THSD7B: variants seen among roughly 807,000 people sequenced by gnomAD.
The protein encoded by THSD7B is thrombospondin type 1 domain containing 7B.
Under a neutral mutation model 213.6 loss-of-function variants are expected in THSD7B, and 138 were observed. The observed-to-expected ratio is 0.65, with a 90% CI of 0.56 to 0.74. The LOEUF (loss-of-function observed/expected upper bound fraction) is 0.74. Ranked by LOEUF, THSD7B falls within the 30% of genes least tolerant of loss-of-function variation. The pLI is 0.00. For synonymous variants in THSD7B, 742 were observed against 687.0 expected (o/e 1.08, Z -1.25); for missense variants, 1,931 against 1,991.5 (o/e 0.97, Z 0.58).
At chr2:137,082,634 T>C (rs1687766326) in intron 3 of THSD7B, among the ~76,000 whole-genome samples, 1 of 152,152 alleles carries the variant, frequency 6.6e-6, no homozygotes, top group African/African-American at 2.4e-5. Flanking sequence ...AAATTACTTA[T>C]ATTTTTGGGT....
At chr2:136,865,239 T>C (rs971104260) in intron 1 of THSD7B, among the ~76,000 whole-genome samples, 2 of 152,104 alleles carry the variant, frequency 1.3e-5, no homozygotes, top group African/African-American at 4.8e-5. Flanking sequence ...CCATGCTTCA[T>C]AGAGAATGGT....
chr2:137,394,069 TC>T (rs1686111374), intron 12 of THSD7B, among the ~76,000 whole-genome samples: 1 of 127,548 alleles, frequency 7.8e-6, no homozygotes, highest in African/African-American at 2.9e-5. Context: ...TAGCCCTTTG[TC>T]AGATGAGTAG....
chr2:137,473,142 C>A (rs1195867344), intron 15 of THSD7B, among the ~76,000 whole-genome samples: 1 of 148,236 alleles, frequency 6.7e-6, no homozygotes, highest in Non-Finnish European at 1.5e-5. Context: ...GAAAAATTAT[C>A]CACTAAATAA....
At chr2:137,075,603 G>A (rs62171245) in intron 3 of THSD7B, among the ~76,000 whole-genome samples, 14,309 of 152,110 alleles carry the variant, frequency 0.094, 755 homozygotes, top group East Asian at 0.17. Context: ...GTCATTCTCC[G>A]TCCAGCTTTG....
At chr2:137,309,269 C>T (rs1683830859) in intron 12 of THSD7B, among the ~76,000 whole-genome samples, 1 of 151,374 alleles carries the variant, frequency 6.6e-6, no homozygotes, top group Non-Finnish European at 1.5e-5. Context: ...TATTCCTTTT[C>T]AGACATTACT....
chr2:137,379,711 G>A (rs1409562444), intron 12 of THSD7B, among the ~76,000 whole-genome samples: 3 of 152,184 alleles, frequency 2.0e-5, no homozygotes, highest in Non-Finnish European at 4.4e-5. Context: ...TAGAGTGGTT[G>A]GTTTGTGAAG....
intron 7 of THSD7B, among the ~76,000 whole-genome samples, chr2:137,217,728 A>G (rs926920405): frequency 6.6e-6 from 1 of 152,210 alleles, no homozygotes; most frequent in African/African-American, 2.4e-5. Context: ...GTTCAGCTCA[A>G]TTATGCTCAT....
intron 2 of THSD7B, among the ~76,000 whole-genome samples, chr2:136,930,850 A>T (rs1684616006): frequency 6.6e-6 from 1 of 151,914 alleles, no homozygotes; most frequent in South Asian, 2.1e-4. Context: ...ATTATTGATT[A>T]TATATTTATA....
chr2:137,092,927 T>C (rs796409014), intron 3 of THSD7B, among the ~76,000 whole-genome samples: 3 of 152,326 alleles, frequency 2.0e-5, no homozygotes, highest in African/African-American at 4.8e-5. Flanking sequence ...CGTAAGCCAC[T>C]ACACCTGCTC....
intron 2 of THSD7B, among the ~76,000 whole-genome samples, chr2:137,043,290 A>C (rs1300244771): frequency 1.3e-5 from 2 of 152,176 alleles, no homozygotes; most frequent in African/African-American, 4.8e-5. Context: ...GCTGTCAGTC[A>C]GTTGAAACTG....
intron 12 of THSD7B, among the ~76,000 whole-genome samples, chr2:137,309,508 T>C (rs919878710): frequency 9.3e-5 from 14 of 151,210 alleles, no homozygotes; most frequent in Non-Finnish European, 1.9e-4. Flanking sequence ...TTTTATTTAT[T>C]TTTTATTATT....
chr2:137,520,249 T>C (rs79253368), intron 15 of THSD7B, among the ~76,000 whole-genome samples: 8,060 of 152,294 alleles, frequency 0.053, 332 homozygotes, highest in Non-Finnish European at 0.083. Flanking sequence ...TCATTAATTC[T>C]TTTTAGGTTT....
chr2:137,061,452 A>G (rs1687269077), intron 3 of THSD7B, among the ~76,000 whole-genome samples: 1 of 150,660 alleles, frequency 6.6e-6, no homozygotes, highest in Non-Finnish European at 1.5e-5. Flanking sequence ...TGGGAAAGAA[A>G]TCTATGCTGT....
chr2:137,499,701 A>G (rs1679655963), intron 15 of THSD7B, among the ~76,000 whole-genome samples: 1 of 152,208 alleles, frequency 6.6e-6, no homozygotes, highest in Admixed American at 6.5e-5. Flanking sequence ...AGCTCCTTCA[A>G]TTGGCTTCGT....
Position 137,340,143 on chromosome 2 carries a change from A to G in THSD7B, c.2500+64117A>G, listed in dbSNP as rs1391236196. Among the ~76,000 whole-genome samples the G allele has an allele frequency of 2.6e-5, 4 of 151,998 alleles. No homozygotes were observed. In the East Asian group the frequency reaches 5.8e-4, roughly 22 times the overall value. On this transcript the variant is annotated intron_variant, in intron 12 of 27. Transcript: ENST00000409968. ...TTTATAGACATTTTATCTTGAACTG[A>G]GATTCTACTTCCCACACTTTCCTTT...
chr2:137,375,594 G>C (rs1685635332), intron 12 of THSD7B, among the ~76,000 whole-genome samples: 1 of 152,100 alleles, frequency 6.6e-6, no homozygotes, highest in East Asian at 1.9e-4. Context: ...AATATATATA[G>C]TATATAAGGA....
chr2:136,974,736 A>T (rs1275531862), intron 2 of THSD7B, among the ~76,000 whole-genome samples: 2 of 152,112 alleles, frequency 1.3e-5, no homozygotes, highest in African/African-American at 4.8e-5. Context: ...TGCTGGGCCA[A>T]ATGACATTTC....
intron 2 of THSD7B, among the ~76,000 whole-genome samples, chr2:136,992,120 T>G (rs989923510): frequency 2.6e-5 from 4 of 152,246 alleles, no homozygotes; most frequent in African/African-American, 2.4e-5. Flanking sequence ...GAAAAAATAA[T>G]TTAGTTGATT....
chr2:137,371,252 C>T (rs1447441506), intron 12 of THSD7B, among the ~76,000 whole-genome samples: 7 of 152,148 alleles, frequency 4.6e-5, no homozygotes, highest in South Asian at 2.1e-4. Context: ...GTGCATCTTG[C>T]TCTTCTGCAG....
Sources: allele counts gnomAD v4.1 joint callset (sites outside exome capture counted in the v4.1 genomes callset), GRCh38; gene constraint gnomAD v4.1.1; transcripts MANE v1.5; gene names NCBI Gene and HGNC (gene_info 2026-07-23, HGNC 2026-07-21).